DGKD: variants seen among roughly 807,000 people sequenced by gnomAD.
DGKD encodes the protein diacylglycerol kinase delta.
A neutral mutation model predicts 154.4 loss-of-function variants in DGKD; 68 were observed. The observed-to-expected ratio is 0.44, with a 90% CI of 0.36 to 0.54. The LOEUF (loss-of-function observed/expected upper bound fraction) is 0.54. Ranked by LOEUF, DGKD falls within the 20% of genes least tolerant of loss-of-function variation. The pLI, the probability that DGKD is intolerant of heterozygous loss-of-function variation, is 0.00. For synonymous variants in DGKD, 693 were observed against 638.0 expected (o/e 1.09, Z -1.30); for missense variants, 1,343 against 1,593.6 (o/e 0.84, Z 2.68).
At chr2:233,451,855 T>A in intron 17 of DGKD, 109 bp from the exon 18 acceptor site, 1 of 896,310 alleles carries the variant, frequency 1.1e-6, no homozygotes, top group East Asian at 2.6e-5. Flanking sequence ...AAACATTTAA[T>A]TATAATAACG....
chr2:233,460,119 G>T, intron 23 of DGKD, 75 bp from the exon 24 acceptor site: 1 of 1,552,806 alleles, frequency 6.4e-7, no homozygotes, highest in Non-Finnish European at 8.7e-7. Flanking sequence ...GATCTCGTTG[G>T]CATCCCCATA....
chr2:233,429,830 C>G (rs565655490), intron 3 of DGKD, among the ~76,000 whole-genome samples: 4 of 152,376 alleles, frequency 2.6e-5, no homozygotes, highest in African/African-American at 9.6e-5. Context: ...AGCCCGGCCC[C>G]AGGTGTTCTT....
rs899807786 is a variant in DGKD, at chr2:233,471,994, G to T, written c.*2534G>T. On this transcript the variant is annotated 3_prime_UTR_variant, in exon 30 of 30. Coordinates refer to ENST00000264057, the MANE Select transcript of DGKD (RefSeq NM_152879.3). ...AATCTTAATTTATATAGTGACCACC[G>T]TGGAAACAAACGCCTCTTGTATTGT... 1 of 152,366 alleles carries T rather than the reference G, an allele frequency of 6.6e-6. No individual in the cohort carries two copies. Among genetic ancestry groups the T allele is most frequent in the Non-Finnish European group, 1.5e-5 (1 of 68,046 alleles). The allele number at this position is 152,366 out of a possible 1,614,324, so 9.4% of individuals were successfully genotyped here. A position where few individuals can be genotyped will look rare whatever the true frequency, so the allele number is the denominator to read the frequency against.
rs757464464 is a variant in DGKD, at chr2:233,438,170, C to T, written c.923-47C>T. 15 of 1,596,082 alleles carry T rather than the reference C, an allele frequency of 9.4e-6. No individual in the cohort carries two copies. The highest frequency in any genetic ancestry group is 4.5e-5 in the South Asian group (4 of 88,754). Reference sequence around the variant, plus strand: ...CTGATTCCATCAGTGGTGCCCTCAGCGTCTTCCGTGGCCTATATATTTTCT... The same window carrying T: ...CTGATTCCATCAGTGGTGCCCTCAGTGTCTTCCGTGGCCTATATATTTTCT... On this transcript the variant is annotated intron_variant, in intron 8 of 29. Coordinates refer to ENST00000264057, the MANE Select transcript of DGKD (RefSeq NM_152879.3). The surrounding 1 kb of genome is among the most constrained non-coding windows in gnomAD (Gnocchi z 4.1).
intron 1 of DGKD, chr2:233,386,028 T>G (rs767657014): frequency 4.3e-6 from 2 of 468,108 alleles, no homozygotes; most frequent in Non-Finnish European, 8.8e-6. Flanking sequence ...TGTGGTGCAG[T>G]GAGTTGTGTT....
chr2:233,374,018 A>AT (rs200014683), intron 1 of DGKD, among the ~76,000 whole-genome samples: 5,098 of 146,062 alleles, frequency 0.035, 272 homozygotes, highest in African/African-American at 0.12. Flanking sequence ...TTTTAGTTTA[A>AT]TTTTTTTTTT....
intron 4 of DGKD, 105 bp from the exon 5 acceptor site, chr2:233,434,664 C>A (rs889488617): frequency 6.5e-7 from 1 of 1,534,120 alleles, no homozygotes; most frequent in Non-Finnish European, 8.8e-7. Context: ...TATAAACCTT[C>A]CTCCTCTCCT....
chr2:233,371,590 T>C (rs1294684111), intron 1 of DGKD, among the ~76,000 whole-genome samples: 5 of 152,270 alleles, frequency 3.3e-5, no homozygotes, highest in Admixed American at 6.5e-5. Flanking sequence ...TTTGGTGTTA[T>C]GCTTAAGAAA....
chr2:233,391,225 A>G (rs1703586785), intron 3 of DGKD, among the ~76,000 whole-genome samples: 1 of 152,050 alleles, frequency 6.6e-6, no homozygotes. Context: ...CTTCCTTCCA[A>G]ATTTATAAAA....
At chr2:233,463,441 ACG>A (rs2063722489) in intron 26 of DGKD, among the ~76,000 whole-genome samples, 2 of 129,712 alleles carry the variant, frequency 1.5e-5, no homozygotes, top group African/African-American at 6.4e-5. Context: ...TCCTCACTCC[ACG>A]CATCTCCTCA....
intron 3 of DGKD, among the ~76,000 whole-genome samples, chr2:233,424,205 A>G (rs2062216148): frequency 6.6e-6 from 1 of 152,104 alleles, no homozygotes; most frequent in Non-Finnish European, 1.5e-5. Context: ...AGCGTGACAC[A>G]GTTTGCTGGA....
chr2:233,409,791 T>TTG (rs1460631307), intron 3 of DGKD, among the ~76,000 whole-genome samples: 7 of 23,320 alleles, frequency 3.0e-4, no homozygotes, highest in African/African-American at 6.6e-4. Flanking sequence ...CATACCGTTT[T>TTG]TTTTTTTTTT....
rs1358671476 is a variant in DGKD at position 233,441,427 on chromosome 2, A to T, written c.1086-460A>T. On this transcript the variant is annotated intron_variant, in intron 9 of 29. Transcript: ENST00000264057. This position sits in a 1 kb window ranked among gnomAD's most constrained non-coding sequence, Gnocchi z 5.6. ...CCAGGGCCGGGGAGTGCCAAGACTG[A>T]GGGTGCAGGGTGATGCAGGCAGCCC... Among the ~76,000 whole-genome samples the T allele has an allele frequency of 6.6e-6, 1 of 152,060 alleles. No individual in the cohort carries two copies. Among genetic ancestry groups the T allele is most frequent in the Non-Finnish European group, 1.5e-5 (1 of 67,990 alleles).
In DGKD at chr2:233,469,629, G is replaced by A; in HGVS notation, c.*169G>A. The A allele has an allele frequency of 1.6e-6, 1 of 615,190 alleles. No homozygotes were observed. The highest frequency in any genetic ancestry group is 2.9e-6 in the Non-Finnish European group (1 of 347,438). The allele number at this position is 615,190 out of a possible 1,614,324, so 38.1% of individuals were successfully genotyped here. A position where few individuals can be genotyped will look rare whatever the true frequency, so the allele number is the denominator to read the frequency against. On this transcript the variant is annotated 3_prime_UTR_variant, in exon 30 of 30. Coordinates refer to ENST00000264057, the MANE Select transcript of DGKD (RefSeq NM_152879.3). ...TCTGTCAGCTACAGAAAGCCTCCGT[G>A]ACACCGTCCACCAGAGCTCTGGGGT...
intron 27 of DGKD, 149 bp from the exon 28 acceptor site, chr2:233,466,937 G>T: frequency 1.5e-6 from 1 of 663,328 alleles, no homozygotes; most frequent in Non-Finnish European, 2.7e-6. Context: ...GAATCAATAA[G>T]GGAGAGAAGC....
At chr2:233,411,266 A>C (rs1446715029) in intron 3 of DGKD, among the ~76,000 whole-genome samples, 1 of 152,206 alleles carries the variant, frequency 6.6e-6, no homozygotes, top group Admixed American at 6.5e-5. Context: ...GAGGCTGCTA[A>C]ACTGTTTTCT....
At chr2:233,384,101 GA>G (rs1227379367) in intron 1 of DGKD, among the ~76,000 whole-genome samples, 3 of 152,038 alleles carry the variant, frequency 2.0e-5, no homozygotes, top group African/African-American at 7.2e-5. Flanking sequence ...GTTGTAAGTT[GA>G]AAAAAACCTG....
intron 3 of DGKD, among the ~76,000 whole-genome samples, chr2:233,429,522 A>G (rs1291118657): frequency 6.6e-6 from 1 of 152,002 alleles, no homozygotes; most frequent in African/African-American, 2.4e-5. Flanking sequence ...CTCAGGGCCC[A>G]CTTTGTCGTC....
intron 3 of DGKD, among the ~76,000 whole-genome samples, chr2:233,404,625 A>G (rs1276892636): frequency 6.6e-6 from 1 of 152,102 alleles, no homozygotes; most frequent in Non-Finnish European, 1.5e-5. Context: ...ATAGATCATC[A>G]TTTGAACTTT....
Sources: gnomAD v4.1 joint callset for allele counts (sites outside exome capture counted in the v4.1 genomes callset) on GRCh38, gnomAD v4.1.1 for gene constraint, Gnocchi (gnomAD v3.1) non-coding constraint, MANE v1.5 for transcripts, NCBI Gene and HGNC (gene_info 2026-07-23, HGNC 2026-07-21) for gene names.